WDR72: variants seen among roughly 807,000 people sequenced by gnomAD.
The protein encoded by WDR72 is WD repeat-containing protein 72.
WDR72 carries 120 observed loss-of-function variants against 124.2 expected under a neutral mutation model. That is an observed-to-expected ratio of 0.97 (90% CI 0.83 to 1.12). The LOEUF (loss-of-function observed/expected upper bound fraction) is 1.12. Among genes scored for constraint, WDR72 ranks in the 50% most tolerant of loss-of-function variants. The probability of loss-of-function intolerance (pLI) is 0.00; values close to 1 mark genes in which losing one functional copy is unlikely to be tolerated. For missense variants in WDR72, 1,387 were observed against 1,278.8 expected, an observed-to-expected ratio of 1.08 and a Z score of -1.29; for synonymous variants, 452 against 441.7, an observed-to-expected ratio of 1.02 and a Z score of -0.29.
intron 18 of WDR72, among the ~76,000 whole-genome samples, chr15:53,559,311 T>TC (rs1894048002): frequency 6.6e-6 from 1 of 152,042 alleles, no homozygotes; most frequent in Admixed American, 6.6e-5. Flanking sequence ...GGATTTTTTT[T>TC]AAAGTACAAT....
At chr15:53,555,147 T>C (rs747529719) in intron 18 of WDR72, among the ~76,000 whole-genome samples, 1 of 151,892 alleles carries the variant, frequency 6.6e-6, no homozygotes, top group East Asian at 1.9e-4. Flanking sequence ...GGCTGGTACT[T>C]AGACATCTTT....
Position 53,597,194 on chromosome 15 carries a change from A to G in WDR72, c.3033T>C (p.Ser1011=). ...MKSLGKIPVN[S]QPVSMAENGN... is the part of the protein sequence containing the mutation. Reference sequence around the variant, plus strand: ...CATTCTCTGCCATGGACACTGGTTGACTATTGACGGGTATCTTTCCCAAAC... The same window carrying G: ...CATTCTCTGCCATGGACACTGGTTGGCTATTGACGGGTATCTTTCCCAAAC... The change falls in exon 18 of 20, where the codon AGT becomes AGC. Residue 1011 remains serine (S), a synonymous_variant. Coordinates refer to ENST00000360509, the MANE Select transcript of WDR72 (RefSeq NM_182758.4). 1 of 1,613,896 alleles carries G rather than the reference A, an allele frequency of 6.2e-7. No individual in the cohort carries two copies. Among genetic ancestry groups the G allele is most frequent in the African/African-American group, 1.3e-5 (1 of 75,020 alleles).
intron 11 of WDR72, among the ~76,000 whole-genome samples, chr15:53,704,767 C>T (rs867019045): frequency 3.6e-5 from 5 of 140,372 alleles, no homozygotes; most frequent in African/African-American, 1.3e-4. Context: ...CTCCTGACCT[C>T]GTGATCCGCC....
chr15:53,558,461 T>C (rs971169965), intron 18 of WDR72, among the ~76,000 whole-genome samples: 2 of 152,042 alleles, frequency 1.3e-5, no homozygotes, highest in Non-Finnish European at 2.9e-5. Flanking sequence ...CATTAGACAA[T>C]TGAAACTTCA....
chr15:53,761,152 C>T (rs2019056553), upstream of WDR72, among the ~76,000 whole-genome samples: 1 of 151,960 alleles, frequency 6.6e-6, no homozygotes, highest in African/African-American at 2.4e-5. Context: ...TAAAAATAGG[C>T]AAAAGACCCA....
chr15:53,648,519 C>A (rs945026341), intron 14 of WDR72, among the ~76,000 whole-genome samples: 11 of 152,062 alleles, frequency 7.2e-5, no homozygotes, highest in Admixed American at 7.2e-4. Context: ...AGGTATAGGT[C>A]TGAAGGAAAA....
intron 18 of WDR72, among the ~76,000 whole-genome samples, chr15:53,557,080 T>A: frequency 6.6e-6 from 1 of 152,236 alleles, no homozygotes; most frequent in Non-Finnish European, 1.5e-5. Context: ...AAGGTTGACT[T>A]GGCCAGAGTA....
chr15:53,612,791 T>C (rs1014153743), intron 16 of WDR72, among the ~76,000 whole-genome samples: 5 of 152,022 alleles, frequency 3.3e-5, no homozygotes, highest in Non-Finnish European at 5.9e-5. Flanking sequence ...TAAATCATTC[T>C]GGCTGCTTGG....
At chr15:53,704,841 T>C in intron 11 of WDR72, 147 bp downstream of exon 11, 1 of 873,008 alleles carries the variant, frequency 1.1e-6, no homozygotes, top group Non-Finnish European at 1.7e-6. Context: ...AACCTATATG[T>C]ATGTTTTACT....
At chr15:53,680,265 C>A (rs74015875) in intron 13 of WDR72, among the ~76,000 whole-genome samples, 2,134 of 152,202 alleles carry the variant, frequency 0.014, 59 homozygotes, top group African/African-American at 0.049. Context: ...CAATTCCAAC[C>A]CCAAGCTTGG....
chr15:53,755,670 C>T (rs1320058623), intron 1 of WDR72, among the ~76,000 whole-genome samples: 1 of 152,194 alleles, frequency 6.6e-6, no homozygotes, highest in Non-Finnish European at 1.5e-5. Context: ...GGCCCCACTT[C>T]CTGTCCCATG....
chr15:53,722,604 G>A (rs2017908292), intron 3 of WDR72, among the ~76,000 whole-genome samples, 198 bp downstream of exon 3: 1 of 152,294 alleles, frequency 6.6e-6, no homozygotes, highest in East Asian at 1.9e-4. Context: ...AGAGTATTGA[G>A]TGAGGGTTCA....
intron 13 of WDR72, among the ~76,000 whole-genome samples, chr15:53,685,743 C>T (rs62007977): frequency 0.16 from 24,056 of 150,346 alleles, 2,481 homozygotes; most frequent in East Asian, 0.45. Flanking sequence ...AAGACCAACT[C>T]CAAGACACAT....
intron 13 of WDR72, among the ~76,000 whole-genome samples, chr15:53,676,963 C>T (rs1045649318): frequency 6.6e-6 from 1 of 150,714 alleles, no homozygotes; most frequent in African/African-American, 2.4e-5. Flanking sequence ...CTTGGTCGCC[C>T]AGGCTGGAGT....
chr15:53,555,054 T>C (rs778214800), intron 18 of WDR72, among the ~76,000 whole-genome samples: 19 of 152,006 alleles, frequency 1.2e-4, no homozygotes, highest in African/African-American at 2.9e-4. Context: ...AGAGGGGCTA[T>C]TGGTATCTTC....
At chr15:53,648,153 T>C (rs1429743632) in intron 14 of WDR72, among the ~76,000 whole-genome samples, 1 of 152,122 alleles carries the variant, frequency 6.6e-6, no homozygotes, top group Non-Finnish European at 1.5e-5. Context: ...ATGTCACTAG[T>C]AGAATAAAAG....
chr15:53,529,797 T>A (rs1039180834), intron 18 of WDR72, among the ~76,000 whole-genome samples: 2 of 151,984 alleles, frequency 1.3e-5, no homozygotes, highest in East Asian at 3.9e-4. Flanking sequence ...AAACCAGGCA[T>A]GAAAGCCAAC....
intron 14 of WDR72, among the ~76,000 whole-genome samples, chr15:53,624,547 A>C (rs898171806): frequency 4.6e-5 from 7 of 152,250 alleles, no homozygotes; most frequent in Non-Finnish European, 8.8e-5. Flanking sequence ...CCACACAGCC[A>C]CAATAGGCCT....
intron 17 of WDR72, among the ~76,000 whole-genome samples, chr15:53,599,555 A>G (rs1316149088): frequency 6.6e-6 from 1 of 152,148 alleles, no homozygotes; most frequent in African/African-American, 2.4e-5. Context: ...TGCTCTTTCT[A>G]TACTCATAAA....
Sources: gnomAD v4.1 joint callset for allele counts (sites outside exome capture counted in the v4.1 genomes callset) on GRCh38, gnomAD v4.1.1 for gene constraint, MANE v1.5 for transcripts, NCBI Gene and HGNC (gene_info 2026-07-23, HGNC 2026-07-21) for gene names.